The following SPMIP7 variants were observed in gnomAD, a reference collection of about 807,000 sequenced individuals.
SPMIP7 encodes the protein protein SPMIP7.
chr7:50,157,135 T>C, the SPMIP7 span, among the ~76,000 whole-genome samples: 1 of 152,166 alleles, frequency 6.6e-6, no homozygotes, highest in Non-Finnish European at 1.5e-5. Context: ...AAAACTGCAC[T>C]GGTGGTTTGG....
chr7:50,137,449 T>C, the SPMIP7 span, among the ~76,000 whole-genome samples: 1 of 152,160 alleles, frequency 6.6e-6, no homozygotes, highest in Non-Finnish European at 1.5e-5. Context: ...TATTTTCTGA[T>C]TTTTATTACA....
chr7:50,127,495 A>C, the SPMIP7 span, among the ~76,000 whole-genome samples: 1 of 151,640 alleles, frequency 6.6e-6, no homozygotes, highest in Non-Finnish European at 1.5e-5. Context: ...CAAACTACCC[A>C]TCTGACAAAG....
At chr7:50,147,445 C>T in the SPMIP7 span, among the ~76,000 whole-genome samples, 1 of 152,274 alleles carries the variant, frequency 6.6e-6, no homozygotes, top group South Asian at 2.1e-4. Context: ...GATCATAGGA[C>T]CTATGACACA....
chr7:50,141,346 C>A, the SPMIP7 span: 15 of 1,551,860 alleles, frequency 9.7e-6, no homozygotes, highest in Non-Finnish European at 1.3e-5. Flanking sequence ...GCATCGCTAG[C>A]CAAGCAGCGG....
chr7:50,135,748 G>C, the SPMIP7 span, among the ~76,000 whole-genome samples: 1 of 152,178 alleles, frequency 6.6e-6, no homozygotes. Flanking sequence ...GTGGGAAACT[G>C]GCCTGGGTTT....
At chr7:50,136,068 A>G in the SPMIP7 span, 1 of 1,491,904 alleles carries the variant, frequency 6.7e-7, no homozygotes, top group Non-Finnish European at 9.1e-7. Flanking sequence ...GTGCTCATTA[A>G]CTGTCATTGA....
chr7:50,106,131 T>C, the SPMIP7 span, among the ~76,000 whole-genome samples: 1 of 152,224 alleles, frequency 6.6e-6, no homozygotes, highest in East Asian at 1.9e-4. Context: ...ATATTTCCAA[T>C]GGCAAAACAA....
chr7:50,153,341 C>T, the SPMIP7 span, among the ~76,000 whole-genome samples: 1 of 152,102 alleles, frequency 6.6e-6, no homozygotes, highest in African/African-American at 2.4e-5. Context: ...GGAACAGCTG[C>T]CATGCATGGG....
chr7:50,113,101 A>T, the SPMIP7 span, among the ~76,000 whole-genome samples: 1 of 152,134 alleles, frequency 6.6e-6, no homozygotes. Context: ...ATCAGGTCAG[A>T]TCTTCAAAGG....
chr7:50,123,980 G>T, the SPMIP7 span, among the ~76,000 whole-genome samples: 1 of 152,056 alleles, frequency 6.6e-6, no homozygotes, highest in Admixed American at 6.6e-5. Flanking sequence ...ACAGCTATAT[G>T]CTATTTACAA....
At chr7:50,103,051 T>TA in the SPMIP7 span, among the ~76,000 whole-genome samples, 3 of 45,454 alleles carry the variant, frequency 6.6e-5, no homozygotes, top group East Asian at 1.1e-3. Flanking sequence ...GATCATATAT[T>TA]TTATATATAT....
At chr7:50,155,946 A>C in the SPMIP7 span, among the ~76,000 whole-genome samples, 1 of 130,400 alleles carries the variant, frequency 7.7e-6, no homozygotes, top group Non-Finnish European at 1.7e-5. Flanking sequence ...ATAACTCTCT[A>C]GAAAAAGTGA....
chr7:50,159,013 C>A, the SPMIP7 span: 7 of 1,548,798 alleles, frequency 4.5e-6, no homozygotes, highest in Non-Finnish European at 5.2e-6. Flanking sequence ...TTTTATGTCT[C>A]ATTTTCCTCC....
At chr7:50,155,140 G>A in the SPMIP7 span, among the ~76,000 whole-genome samples, 20 of 152,186 alleles carry the variant, frequency 1.3e-4, no homozygotes, top group Non-Finnish European at 2.4e-4. Flanking sequence ...TCTGTAGGCT[G>A]CCTTTTCATC....
the SPMIP7 span, among the ~76,000 whole-genome samples, chr7:50,119,012 C>A: frequency 6.6e-6 from 1 of 152,092 alleles, no homozygotes; most frequent in Non-Finnish European, 1.5e-5. Flanking sequence ...AGTGTATTTT[C>A]ACCAGGTGAA....
At chr7:50,107,407 A>AT in the SPMIP7 span, among the ~76,000 whole-genome samples, 1 of 148,836 alleles carries the variant, frequency 6.7e-6, no homozygotes, top group East Asian at 1.9e-4. Flanking sequence ...AAAAAGAAAA[A>AT]AAAAAAAGAA....
At chr7:50,153,167 A>C in the SPMIP7 span, among the ~76,000 whole-genome samples, 1 of 152,226 alleles carries the variant, frequency 6.6e-6, no homozygotes, top group Admixed American at 6.5e-5. Flanking sequence ...AGTGAAATGA[A>C]AAAGAAAGAC....
At chr7:50,124,258 C>T in the SPMIP7 span, among the ~76,000 whole-genome samples, 1 of 151,914 alleles carries the variant, frequency 6.6e-6, no homozygotes, top group African/African-American at 2.4e-5. Context: ...TGAACAGACA[C>T]AAAAAGGAGA....
the SPMIP7 span, chr7:50,121,344 C>A: frequency 6.6e-6 from 1 of 152,172 alleles, no homozygotes; most frequent in Admixed American, 6.5e-5. Context: ...ATAGGTGAAC[C>A]AACTGCAACC....
Sources: gnomAD v4.1 joint callset for allele counts (sites outside exome capture counted in the v4.1 genomes callset) on GRCh38, gnomAD v4.1.1 for gene constraint, MANE v1.5 for transcripts, NCBI Gene and HGNC (gene_info 2026-07-23, HGNC 2026-07-21) for gene names.